The following SEMA5B variants were observed in gnomAD, a reference collection of about 807,000 sequenced individuals.
The protein encoded by SEMA5B is semaphorin 5B.
In SEMA5B, 66 loss-of-function variants were observed where a neutral mutation model predicts 135.0. The observed-to-expected ratio is 0.49, with a 90% CI of 0.40 to 0.60. SEMA5B has a LOEUF of 0.60. SEMA5B is among the 20% of genes least tolerant of loss of function. The probability of loss-of-function intolerance (pLI) is 0.00; values close to 1 mark genes in which losing one functional copy is unlikely to be tolerated. For missense variants in SEMA5B, 1,501 were observed against 1,566.3 expected, an observed-to-expected ratio of 0.96 and a Z score of 0.70; for synonymous variants, 690 against 639.5, an observed-to-expected ratio of 1.08 and a Z score of -1.19.
intron 1 of SEMA5B, among the ~76,000 whole-genome samples, chr3:122,988,652 C>T (rs1050011228): frequency 6.6e-6 from 1 of 152,246 alleles, no homozygotes; most frequent in African/African-American, 2.4e-5. Context: ...GGGAGCAAGC[C>T]TGCTGCTTCC....
intron 1 of SEMA5B, among the ~76,000 whole-genome samples, chr3:123,013,955 A>G (rs962411575): frequency 1.3e-5 from 2 of 152,232 alleles, no homozygotes; most frequent in Non-Finnish European, 2.9e-5. Context: ...CACAGGAAGG[A>G]AACGGTGAGA....
intron 9 of SEMA5B, among the ~76,000 whole-genome samples, chr3:122,925,611 A>C (rs1208497359): frequency 2.0e-5 from 3 of 152,152 alleles, no homozygotes; most frequent in Admixed American, 2.0e-4. Flanking sequence ...CAGAGGTTGC[A>C]GTGAGCCGAG....
chr3:123,008,471 C>T (rs1560439773), intron 1 of SEMA5B, among the ~76,000 whole-genome samples: 1 of 152,008 alleles, frequency 6.6e-6, no homozygotes, highest in African/African-American at 2.4e-5. Flanking sequence ...GAAGGGGCCT[C>T]GTGCATCAGG....
chr3:122,981,650 T>C (rs7629467), intron 1 of SEMA5B, among the ~76,000 whole-genome samples: 33,698 of 152,168 alleles, frequency 0.22, 5,168 homozygotes, highest in African/African-American at 0.44. Flanking sequence ...ACACTGAGGC[T>C]GTCACACAGG....
intron 1 of SEMA5B, among the ~76,000 whole-genome samples, chr3:123,022,990 T>A (rs1024785734): frequency 6.6e-6 from 1 of 152,192 alleles, no homozygotes; most frequent in African/African-American, 2.4e-5. Flanking sequence ...TACACGAAGA[T>A]CCTGTTCCAG....
intron 22 of SEMA5B, 145 bp downstream of exon 22, chr3:122,910,695 A>G (rs1302347709): frequency 3.2e-6 from 2 of 632,702 alleles, no homozygotes; most frequent in Non-Finnish European, 5.1e-6. Flanking sequence ...CTGTAGTCCC[A>G]GCTACTTGGG....
At chr3:122,989,260 C>A (rs1941795695) in intron 1 of SEMA5B, among the ~76,000 whole-genome samples, 1 of 152,226 alleles carries the variant, frequency 6.6e-6, no homozygotes, top group African/African-American at 2.4e-5. Context: ...AGAGCCCCTG[C>A]AGATTCCCAG....
At chr3:123,012,315 T>A (rs1472033401) in intron 1 of SEMA5B, among the ~76,000 whole-genome samples, 2 of 152,134 alleles carry the variant, frequency 1.3e-5, no homozygotes, top group Non-Finnish European at 1.5e-5. Flanking sequence ...CCCTAAGGCT[T>A]CTTATGCCTT....
intron 20 of SEMA5B, 68 bp from the exon 21 acceptor site, chr3:122,911,603 C>G: frequency 2.6e-6 from 4 of 1,513,978 alleles, no homozygotes; most frequent in Non-Finnish European, 3.6e-6. Context: ...GCAGGGTAGG[C>G]GTAAGCCTGG....
At chr3:122,911,742 C>G (rs1937722671) in intron 20 of SEMA5B, among the ~76,000 whole-genome samples, 178 bp downstream of exon 20, 1 of 152,230 alleles carries the variant, frequency 6.6e-6, no homozygotes, top group Non-Finnish European at 1.5e-5. Flanking sequence ...GGGCCCAAAC[C>G]CCAAATGTGT....
At chr3:122,967,770 G>A (rs1230650750) in intron 1 of SEMA5B, among the ~76,000 whole-genome samples, 2 of 152,260 alleles carry the variant, frequency 1.3e-5, no homozygotes. Context: ...CTCTGCTCAG[G>A]CTTTGCTTCT....
At chr3:122,989,093 G>T (rs1206344512) in intron 1 of SEMA5B, among the ~76,000 whole-genome samples, 1 of 152,176 alleles carries the variant, frequency 6.6e-6, no homozygotes, top group Non-Finnish European at 1.5e-5. Context: ...TCACTGCTCC[G>T]CTAGAGGAAA....
chr3:122,917,356 G>A (rs1365426397), intron 12 of SEMA5B, among the ~76,000 whole-genome samples: 1 of 152,248 alleles, frequency 6.6e-6, no homozygotes, highest in Non-Finnish European at 1.5e-5. Flanking sequence ...CATTCTGTGA[G>A]TTTGCAGGGG....
chr3:122,957,502 A>G (rs1378142137), intron 2 of SEMA5B, among the ~76,000 whole-genome samples: 1 of 152,212 alleles, frequency 6.6e-6, no homozygotes, highest in Non-Finnish European at 1.5e-5. Context: ...CTCCAGGGTA[A>G]CCTCACACTT....
Position 122,912,059 on chromosome 3 carries a change from C to A in SEMA5B, c.2907G>T (p.Ser969=), listed in dbSNP as rs144363900. ...CATQACPEGW[S]PWSEWSKCTD... is the part of the protein sequence containing the mutation. Reference sequence around the variant, plus strand: ...TGCACTTACTCCACTCAGACCAGGGCGACCAGCCTTCTGGGGATTGTGGGT... The same window carrying A: ...TGCACTTACTCCACTCAGACCAGGGAGACCAGCCTTCTGGGGATTGTGGGT... The change falls in exon 20 of 23, where the codon TCG becomes TCT. Residue 969 remains serine, a synonymous_variant. Coordinates refer to ENST00000357599, the MANE Select transcript of SEMA5B (RefSeq NM_001031702.4). The A allele has an allele frequency of 1.3e-5, 21 of 1,611,970 alleles. No individual in the cohort carries two copies. The African/African-American group carries it at 2.0e-4, about 15-fold the overall frequency.
chr3:122,982,761 A>G (rs1404535579), intron 1 of SEMA5B, among the ~76,000 whole-genome samples: 1 of 152,078 alleles, frequency 6.6e-6, no homozygotes, highest in East Asian at 1.9e-4. Flanking sequence ...CTGAATGGAG[A>G]AAAAGCAGGG....
In SEMA5B at chr3:122,927,850, G is replaced by A. The variant is rs1938724997; in HGVS notation, c.790C>T (p.Arg264Cys). Residue 264 changes from arginine (R) to cysteine (C), a missense_variant, in exon 8 of 23, where the codon CGC becomes TGC. Arg to Cys is a radical substitution (Grantham distance 180). Transcript: ENST00000357599. ...AGCGGTGGCCCACTGCCCAGGCTGC[G>A]GTAGATGGCAGGGTCCCGACCTGAG... Reference protein sequence around the residue: ...DFSGRDPAIYRSLGSGPPLRT... With the variant: ...DFSGRDPAIYCSLGSGPPLRT... 6 of 1,585,076 alleles carry A rather than the reference G, an allele frequency of 3.8e-6. No individual in the cohort carries two copies. Among genetic ancestry groups the A allele is most frequent in the Non-Finnish European group, 5.2e-6 (6 of 1,164,558 alleles).
intron 1 of SEMA5B, among the ~76,000 whole-genome samples, chr3:122,980,859 T>C (rs1576387485): frequency 6.6e-6 from 1 of 152,226 alleles, no homozygotes; most frequent in African/African-American, 2.4e-5. Context: ...CCATTTCTAC[T>C]ATCTGTCTCT....
At chr3:122,977,347 T>C (rs1353766727) in intron 1 of SEMA5B, among the ~76,000 whole-genome samples, 3 of 152,176 alleles carry the variant, frequency 2.0e-5, no homozygotes, top group African/African-American at 7.2e-5. Context: ...TGCAAATAAA[T>C]GACAAATAAT....
Sources: allele counts gnomAD v4.1 joint callset (sites outside exome capture counted in the v4.1 genomes callset), GRCh38; gene constraint gnomAD v4.1.1; transcripts MANE v1.5; gene names NCBI Gene and HGNC (gene_info 2026-07-23, HGNC 2026-07-21).